FBN2: variants seen among roughly 807,000 people sequenced by gnomAD.
FBN2 encodes fibrillin 2, also known as fibrillin-2.
FBN2 carries 105 observed loss-of-function variants against 355.6 expected under a neutral mutation model. The observed-to-expected ratio is 0.30, with a 90% CI of 0.25 to 0.35. FBN2 has a LOEUF of 0.35. Among genes scored for constraint, FBN2 ranks in the 10% least tolerant of loss-of-function variants. The pLI is 1.00. For synonymous variants in FBN2, 1,350 were observed against 1,301.2 expected (o/e 1.04, Z -0.81); for missense variants, 3,280 against 3,758.7 (o/e 0.87, Z 3.33).
rs1020163436 is a variant in FBN2 at position 128,259,946 on chromosome 5, G to A, written c.8365-117C>T. 28 of 1,023,922 alleles carry A rather than the reference G, an allele frequency of 2.7e-5. 1 individual carries two copies. Among genetic ancestry groups the A allele is most frequent in the South Asian group, 3.9e-5 (3 of 76,338 alleles). 63.4% of individuals were successfully genotyped at this position (1,023,922 alleles called of 1,614,324 possible). On this transcript the variant is annotated intron_variant, in intron 64 of 64. Coordinates refer to ENST00000262464, the MANE Select transcript of FBN2 (RefSeq NM_001999.4). ...GGACAGGCTGTGGCTTCCCACTCCC[G>A]CTTTCTGCACTCTCCTTACCAGCAG...
chr5:128,338,207 G>C (rs1750898115), intron 26 of FBN2, 85 bp from the exon 27 acceptor site: 1 of 1,330,746 alleles, frequency 7.5e-7, no homozygotes, highest in Non-Finnish European at 1.1e-6. Flanking sequence ...AATATTATCT[G>C]ATGTGAGAGT....
intron 7 of FBN2, chr5:128,442,253 T>C: frequency 2.2e-6 from 1 of 451,336 alleles, no homozygotes; most frequent in Non-Finnish European, 4.4e-6. Flanking sequence ...ATGTTCTTTT[T>C]CTGCCTCCCA....
intron 5 of FBN2, among the ~76,000 whole-genome samples, chr5:128,497,169 T>C (rs1407796701): frequency 2.0e-5 from 3 of 152,166 alleles, no homozygotes; most frequent in African/African-American, 4.8e-5. Context: ...GGTACAGAAA[T>C]AGGTTCCTTG....
At chr5:128,421,675 G>A (rs549021558) in intron 7 of FBN2, among the ~76,000 whole-genome samples, 2 of 152,230 alleles carry the variant, frequency 1.3e-5, no homozygotes, top group Admixed American at 6.5e-5. Context: ...GAAGAAAAAC[G>A]TTAAAGGTAA....
At chr5:128,467,887 T>C (rs1267921889) in intron 5 of FBN2, among the ~76,000 whole-genome samples, 1 of 152,216 alleles carries the variant, frequency 6.6e-6, no homozygotes, top group Non-Finnish European at 1.5e-5. Context: ...TTATTCACAT[T>C]AAAAAATTAG....
At position 128,364,508 on chromosome 5, in the gene FBN2, T is replaced by G. The variant is rs959673248; in HGVS notation, c.2428+92A>C. On this transcript the variant is annotated intron_variant, in intron 18 of 64. Transcript: ENST00000262464. ...GAAAACAAGAAAAACTGTACAATTTTTAGTTTTAGTCATTTGTGTTTTTAA... is the reference window on the plus strand; with the variant it reads ...GAAAACAAGAAAAACTGTACAATTTGTAGTTTTAGTCATTTGTGTTTTTAA... 3.1e-6 allele frequency: 4 copies of G among 1,304,572 alleles called. No individual in the cohort carries two copies. The African/African-American group carries it at 4.4e-5, about 14-fold the overall frequency. The allele number at this position is 1,304,572 out of a possible 1,614,324, so 80.8% of individuals were successfully genotyped here.
chr5:128,492,355 G>T (rs918531301), intron 5 of FBN2, among the ~76,000 whole-genome samples: 4 of 152,126 alleles, frequency 2.6e-5, no homozygotes, highest in African/African-American at 9.7e-5. Flanking sequence ...AAGGAAATGA[G>T]CCATGTAGGT....
chr5:128,408,875 A>C (rs201055316), intron 7 of FBN2, 76 bp from the exon 8 acceptor site: 1 of 1,500,934 alleles, frequency 6.7e-7, no homozygotes, highest in African/African-American at 1.4e-5. Flanking sequence ...TTTTTTTTTA[A>C]GAGTATGAGA....
intron 7 of FBN2, among the ~76,000 whole-genome samples, chr5:128,420,027 G>A (rs934448874): frequency 2.6e-5 from 4 of 152,002 alleles, no homozygotes; most frequent in Non-Finnish European, 5.9e-5. Context: ...GGGTTAATTT[G>A]ATAATTGACA....
At chr5:128,282,578 A>G (rs1441063052) in intron 55 of FBN2, among the ~76,000 whole-genome samples, 2 of 152,106 alleles carry the variant, frequency 1.3e-5, no homozygotes, top group African/African-American at 4.8e-5. Context: ...TTGTGCTTCA[A>G]ATTCTTAGAT....
intron 50 of FBN2, 26 bp from the exon 51 acceptor site, chr5:128,289,973 A>C: frequency 7.2e-7 from 1 of 1,382,626 alleles, no homozygotes; most frequent in Non-Finnish European, 1.0e-6. Flanking sequence ...CAAATTCTCC[A>C]TTATTGAAGA....
chr5:128,278,663 A>G lies in FBN2; in HGVS notation c.7317T>C (p.His2439=), dbSNP rs1554117089. The G allele has an allele frequency of 4.3e-6, 7 of 1,613,994 alleles. No homozygotes were observed. The highest frequency in any genetic ancestry group is 3.3e-5 in the Admixed American group (2 of 59,998). The change falls in exon 57 of 65, where the codon CAT becomes CAC. Residue 2439 remains histidine (H), a synonymous_variant. Transcript: ENST00000262464. The stretch of plus-strand genomic sequence containing the variant: ...TTCCATCAGTTGTATATCCTGGGCC[A>G]TGAGGACATATCTTTTTGTACTGGG... ...GTAQYKKICP[H]GPGYTTDGRD...
chr5:128,508,942 T>C (rs917553954), intron 5 of FBN2, among the ~76,000 whole-genome samples: 1 of 152,094 alleles, frequency 6.6e-6, no homozygotes, highest in Non-Finnish European at 1.5e-5. Flanking sequence ...ACTTGTACTG[T>C]TTTGGACAAA....
chr5:128,432,135 A>C (rs1288626676), intron 7 of FBN2, among the ~76,000 whole-genome samples: 1 of 152,190 alleles, frequency 6.6e-6, no homozygotes, highest in Non-Finnish European at 1.5e-5. Flanking sequence ...CTATTTCTAC[A>C]TGTATACTTA....
At chr5:128,486,482 AATT>A (rs776441716) in intron 5 of FBN2, among the ~76,000 whole-genome samples, 33 of 152,146 alleles carry the variant, frequency 2.2e-4, no homozygotes, top group Non-Finnish European at 4.6e-4. Flanking sequence ...CTGTATACAA[AATT>A]ATTGTTCACA....
chr5:128,380,945 C>T (rs1752217645), intron 11 of FBN2, among the ~76,000 whole-genome samples: 1 of 151,902 alleles, frequency 6.6e-6, no homozygotes, highest in African/African-American at 2.4e-5. Flanking sequence ...GATTTAACCT[C>T]CTAAAATAAA....
intron 34 of FBN2, among the ~76,000 whole-genome samples, chr5:128,321,470 G>A (rs972742584): frequency 5.9e-5 from 9 of 152,184 alleles, no homozygotes; most frequent in East Asian, 3.9e-4. Context: ...ACAGGCCCCA[G>A]TGTGTGATGT....
At chr5:128,444,924 T>C (rs1754026902) in intron 7 of FBN2, among the ~76,000 whole-genome samples, 1 of 152,052 alleles carries the variant, frequency 6.6e-6, no homozygotes, top group Non-Finnish European at 1.5e-5. Context: ...AGTCCAGAAG[T>C]AAAAAGTGAA....
chr5:128,318,789 G>T, intron 35 of FBN2, 90 bp downstream of exon 35: 1 of 1,378,704 alleles, frequency 7.3e-7, no homozygotes, highest in Non-Finnish European at 1.0e-6. Flanking sequence ...GCATAGATTA[G>T]CTAAGCAGAA....
Sources: gnomAD v4.1 joint callset for allele counts (sites outside exome capture counted in the v4.1 genomes callset) on GRCh38, gnomAD v4.1.1 for gene constraint, MANE v1.5 for transcripts, NCBI Gene and HGNC (gene_info 2026-07-23, HGNC 2026-07-21) for gene names.